QTRT1: variants seen among roughly 807,000 people sequenced by gnomAD.
QTRT1 encodes queuine tRNA-ribosyltransferase catalytic subunit 1, also known as TGT, 43-KD subunit.
In QTRT1, 41 loss-of-function variants were observed where a neutral mutation model predicts 44.0. The ratio of observed to expected loss-of-function variants is 0.93; its 90% CI spans 0.73 to 1.21. The LOEUF (loss-of-function observed/expected upper bound fraction) is 1.21. Among genes scored for constraint, QTRT1 ranks in the 50% most tolerant of loss-of-function variants. QTRT1 has a pLI of 0.00. For synonymous variants in QTRT1, 226 were observed against 237.1 expected (o/e 0.95, Z 0.43); for missense variants, 542 against 575.8 (o/e 0.94, Z 0.60).
rs1410493826 is a variant in QTRT1 at position 10,713,302 on chromosome 19, G to A, written c.*32G>A. On this transcript the variant is annotated 3_prime_UTR_variant, in exon 10 of 10. Coordinates refer to ENST00000250237, the MANE Select transcript of QTRT1 (RefSeq NM_031209.3). The surrounding 1 kb of genome is among the most constrained non-coding windows in gnomAD (Gnocchi z 4.3). ...ATTGGGAGAGGGAGGGAGGAAGGAA[G>A]GGAGGGAGGGGCTGGAAGATACTGA... The A allele has an allele frequency of 6.3e-7, 1 of 1,577,088 alleles. No homozygotes were observed. The highest frequency in any genetic ancestry group is 1.3e-5 in the African/African-American group (1 of 74,388).
At chr19:10,710,595 G>A (rs1050131708) in intron 5 of QTRT1, among the ~76,000 whole-genome samples, 1 of 151,172 alleles carries the variant, frequency 6.6e-6, no homozygotes, top group African/African-American at 2.4e-5. Context: ...GATTACAGGC[G>A]TGAGCCATGT....
intron 5 of QTRT1, chr19:10,711,907 A>G: frequency 5.1e-6 from 3 of 582,684 alleles, no homozygotes; most frequent in Non-Finnish European, 9.2e-6. Context: ...GGTCTTGCAT[A>G]CAGCAGGCAC....
In QTRT1 at chr19:10,712,542, T is replaced by C; in HGVS notation, c.786-11T>C. ...GTTCTCTGCCCCCTCCCGTCATGGC[T>C]GCAACCCCAGCTATGCCACTGATCT... On this transcript the variant is annotated splice_polypyrimidine_tract_variant and intron_variant, in intron 6 of 9. Transcript: ENST00000250237. The surrounding 1 kb of genome is among the most constrained non-coding windows in gnomAD (Gnocchi z 5.6). 1 of 1,612,822 alleles carries C rather than the reference T, an allele frequency of 6.2e-7. No individual in the cohort carries two copies. The highest frequency in any genetic ancestry group is 8.5e-7 in the Non-Finnish European group (1 of 1,178,946).
In QTRT1 at chr19:10,712,690, TA is replaced by T. The variant is rs1599397155; in HGVS notation, c.861+63del. On this transcript the variant is annotated intron_variant, in intron 7 of 9. Transcript: ENST00000250237. This position sits in a 1 kb window ranked among gnomAD's most constrained non-coding sequence, Gnocchi z 5.6. ...GGGTGGGGGACTAGGGAGGCAAGGTTAGGGGTGGGGGGTGGGGAGAATGAAG... is the reference window on the plus strand; with the variant it reads ...GGGTGGGGGACTAGGGAGGCAAGGTTGGGGTGGGGGGTGGGGAGAATGAAG... 1.1e-5 allele frequency: 7 copies of T among 637,588 alleles called. No homozygotes were observed. In the East Asian group the frequency reaches 2.8e-4, roughly 25 times the overall value. 39.5% of individuals were successfully genotyped at this position (637,588 alleles called of 1,614,324 possible). A position where few individuals can be genotyped will look rare whatever the true frequency, so the allele number is the denominator to read the frequency against.
At chr19:10,707,279 T>C (rs1413108676) in intron 3 of QTRT1, 23 bp from the exon 4 acceptor site, 2 of 1,613,614 alleles carry the variant, frequency 1.2e-6, no homozygotes, top group Non-Finnish European at 1.7e-6. Context: ...TTCCCAGTGA[T>C]GTTGCCCCCA....
rs571176373 is a variant in QTRT1, at chr19:10,705,452, C to T, written c.452-1850C>T. Among the ~76,000 whole-genome samples, 111 of 149,482 alleles carry T rather than the reference C, an allele frequency of 7.4e-4. 1 individual carries two copies. The highest frequency in any genetic ancestry group is 1.8e-3 in the East Asian group (9 of 5,012). On this transcript the variant is annotated intron_variant, in intron 3 of 9. Coordinates refer to ENST00000250237, the MANE Select transcript of QTRT1 (RefSeq NM_031209.3). ...CGGGGTTTCACCATGTTGGCCAGGC[C>T]GGTCTCGAACTCCTGACCTAAGGTG...
Position 10,701,486 on chromosome 19 carries a change from C to T in QTRT1, c.26C>T (p.Ser9Phe), listed in dbSNP as rs970302551. The change falls in exon 1 of 10, where the codon TCC becomes TTC. Residue 9 changes from serine (S) to phenylalanine (F), a missense_variant. Coordinates refer to ENST00000250237, the MANE Select transcript of QTRT1 (RefSeq NM_031209.3). ...ATGGCGGGAGCAGCTACCCAGGCTTCCCTGGAGTCGGCCCCACGGATCATG... is the reference window on the plus strand; with the variant it reads ...ATGGCGGGAGCAGCTACCCAGGCTTTCCTGGAGTCGGCCCCACGGATCATG... MAGAATQASLESAPRIMRL... is the reference protein window; with the variant it reads MAGAATQAFLESAPRIMRL... 8.9e-6 allele frequency: 14 copies of T among 1,572,682 alleles called. No individual in the cohort carries two copies. Among genetic ancestry groups the T allele is most frequent in the South Asian group, 1.2e-5 (1 of 86,806 alleles).
In QTRT1 at chr19:10,712,539, G is replaced by C. The variant is rs766768936; in HGVS notation, c.786-14G>C. ...GAGGTTCTCTGCCCCCTCCCGTCAT[G>C]GCTGCAACCCCAGCTATGCCACTGA... On this transcript the variant is annotated splice_polypyrimidine_tract_variant and intron_variant, in intron 6 of 9. Transcript: ENST00000250237. The surrounding 1 kb of genome is among the most constrained non-coding windows in gnomAD (Gnocchi z 5.6). 2.5e-6 allele frequency: 4 copies of C among 1,612,590 alleles called. No individual in the cohort carries two copies. The highest frequency in any genetic ancestry group is 3.4e-6 in the Non-Finnish European group (4 of 1,178,758).
At position 10,712,010 on chromosome 19, in the gene QTRT1, CCTCTCCGTCTCT is replaced by C. The variant is rs878889770; in HGVS notation, c.647-150_647-139del. On this transcript the variant is annotated intron_variant, in intron 5 of 9. Transcript: ENST00000250237. This position sits in a 1 kb window ranked among gnomAD's most constrained non-coding sequence, Gnocchi z 5.6. ...TCTCCTCTGTCTCCCTCTCCGTCTC[CCTCTCCGTCTCT>C]GGCTCTGTCTGTCTGTCTCTGTCTG... is the stretch of plus-strand genomic sequence containing the variant. The C allele has an allele frequency of 1.2e-4, 114 of 937,226 alleles. No individual in the cohort carries two copies. In the South Asian group the frequency reaches 1.6e-3, roughly 13 times the overall value. The allele number at this position is 937,226 out of a possible 1,614,324, so 58.1% of individuals were successfully genotyped here.
At chr19:10,710,272 T>A (rs1047152355) in intron 5 of QTRT1, among the ~76,000 whole-genome samples, 6 of 152,138 alleles carry the variant, frequency 3.9e-5, no homozygotes, top group Non-Finnish European at 8.8e-5. Flanking sequence ...GATCTCTCAT[T>A]TTTTATCCCA....
intron 3 of QTRT1, among the ~76,000 whole-genome samples, chr19:10,704,208 C>T (rs1277464368): frequency 6.6e-6 from 1 of 152,134 alleles, no homozygotes; most frequent in Non-Finnish European, 1.5e-5. Context: ...GAACTCCTGG[C>T]TACAAACAGT....
chr19:10,702,221 C>T lies in QTRT1; in HGVS notation c.418C>T (p.Pro140Ser), dbSNP rs779206294. ...CGACGGCAATGAGACCCTGCTGAGC[C>T]CGGAGAAATCCGTGCAGATCCAGAA... The part of the protein sequence containing the change: ...PYDGNETLLS[P>S]EKSVQIQNAL... Residue 140 changes from proline (P) to serine (S), a missense_variant, in exon 3 of 10, where the codon CCG (proline) becomes TCG (serine). Pro to Ser is a moderately conservative substitution (Grantham distance 74). Coordinates refer to ENST00000250237, the MANE Select transcript of QTRT1 (RefSeq NM_031209.3). The T allele has an allele frequency of 6.2e-7, 1 of 1,614,122 alleles. No individual in the cohort carries two copies. The highest frequency in any genetic ancestry group is 8.5e-7 in the Non-Finnish European group (1 of 1,180,028).
At chr19:10,704,917 T>A (rs1047868045) in intron 3 of QTRT1, among the ~76,000 whole-genome samples, 1 of 119,312 alleles carries the variant, frequency 8.4e-6, no homozygotes, top group Non-Finnish European at 1.7e-5. Context: ...AATGTCGTAA[T>A]TTTTTTTTTT....
Position 10,712,845 on chromosome 19 carries a change from T to C in QTRT1, c.949T>C (p.Cys317Arg). Residue 317 changes from cysteine (C) to arginine (R), a missense_variant, in exon 8 of 10, where the codon TGC becomes CGC. By Grantham distance (180) the Cys-to-Arg change is radical. Transcript: ENST00000250237. The surrounding 1 kb of genome is among the most constrained non-coding windows in gnomAD (Gnocchi z 5.6). ...GGACTTCGGCCCCATAGACCCGGAG[T>C]GCACCTGCCCCACGTGCCAAAAGTA... ...EKDFGPIDPE[C>R]TCPTCQKHSR... 1 of 1,613,666 alleles carries C rather than the reference T, an allele frequency of 6.2e-7. No homozygotes were observed. The highest frequency in any genetic ancestry group is 8.5e-7 in the Non-Finnish European group (1 of 1,179,930).
At position 10,712,045 on chromosome 19, in the gene QTRT1, CTGTT is replaced by C; in HGVS notation, c.647-114_647-111del. On this transcript the variant is annotated intron_variant, in intron 5 of 9. Transcript: ENST00000250237. This position sits in a 1 kb window ranked among gnomAD's most constrained non-coding sequence, Gnocchi z 5.6. Reference sequence around the variant, plus strand: ...TCTGGCTCTGTCTGTCTGTCTCTGTCTGTTTCTCTGACTCTCTCCCTGAGCGACT... The same window carrying C: ...TCTGGCTCTGTCTGTCTGTCTCTGTCTCTCTGACTCTCTCCCTGAGCGACT... 1 of 1,307,556 alleles carries C rather than the reference CTGTT, an allele frequency of 7.6e-7. No individual in the cohort carries two copies. The highest frequency in any genetic ancestry group is 1.4e-5 in the African/African-American group (1 of 69,126). The allele number at this position is 1,307,556 out of a possible 1,614,324, so 81.0% of individuals were successfully genotyped here.
At position 10,712,962 on chromosome 19, in the gene QTRT1, C is replaced by T. The variant is rs759725869; in HGVS notation, c.981C>T (p.Arg327=). 1.7e-5 allele frequency: 27 copies of T among 1,612,778 alleles called. No individual in the cohort carries two copies. Among genetic ancestry groups the T allele is most frequent in the Middle Eastern group, 3.3e-4 (2 of 6,078 alleles). Residue 327 remains arginine, a synonymous_variant, in exon 9 of 10, where the codon CGC becomes CGT. Coordinates refer to ENST00000250237, the MANE Select transcript of QTRT1 (RefSeq NM_031209.3). This position sits in a 1 kb window ranked among gnomAD's most constrained non-coding sequence, Gnocchi z 5.6. ...CTCPTCQKHS[R]AFLHALLHSD... Reference sequence around the variant, plus strand: ...CCCTGCCGCTCTACAGGCACAGCCGCGCCTTCCTGCACGCACTGCTGCACA... The same window carrying T: ...CCCTGCCGCTCTACAGGCACAGCCGTGCCTTCCTGCACGCACTGCTGCACA...
intron 3 of QTRT1, among the ~76,000 whole-genome samples, chr19:10,705,833 G>T (rs1188147419): frequency 7.1e-6 from 1 of 140,024 alleles, no homozygotes; most frequent in African/African-American, 2.7e-5. Flanking sequence ...ACCAGGCCTG[G>T]CCTGTTCTTT....
intron 3 of QTRT1, chr19:10,706,658 C>G (rs2145621040): frequency 6.6e-6 from 1 of 151,164 alleles, no homozygotes; most frequent in Non-Finnish European, 1.5e-5. Flanking sequence ...CAAGCGTGAG[C>G]CATCGCGCCT....
In QTRT1 at chr19:10,712,090, G is replaced by A. The variant is rs2068741065; in HGVS notation, c.647-71G>A. On this transcript the variant is annotated intron_variant, in intron 5 of 9. Coordinates refer to ENST00000250237, the MANE Select transcript of QTRT1 (RefSeq NM_031209.3). The surrounding 1 kb of genome is among the most constrained non-coding windows in gnomAD (Gnocchi z 5.6). The stretch of plus-strand genomic sequence containing the variant: ...CTGAGCGACTCTGGAAGTCTGGGCA[G>A]GGTGTGTTCTGGGATTGAAGACCAG... 1.3e-6 allele frequency: 2 copies of A among 1,590,984 alleles called. No individual in the cohort carries two copies. Among genetic ancestry groups the A allele is most frequent in the Admixed American group, 3.3e-5 (2 of 59,964 alleles).
Sources: allele counts gnomAD v4.1 joint callset (sites outside exome capture counted in the v4.1 genomes callset), GRCh38; gene constraint gnomAD v4.1.1; non-coding constraint Gnocchi (gnomAD v3.1); transcripts MANE v1.5; gene names NCBI Gene and HGNC (gene_info 2026-07-23, HGNC 2026-07-21).